Variants in ASTN1 observed in about 807,000 individuals in gnomAD.
ASTN1 encodes astrotactin 1, also known as astrotactin-1.
A neutral mutation model predicts 140.7 loss-of-function variants in ASTN1; 41 were observed. The observed-to-expected ratio is 0.29, with a 90% CI of 0.23 to 0.38. The LOEUF is 0.38. Ranked by LOEUF, ASTN1 falls within the 10% of genes least tolerant of loss-of-function variation. The pLI is 1.00. For missense variants in ASTN1, 1,479 were observed against 1,678.8 expected, an observed-to-expected ratio of 0.88 and a Z score of 2.08; for synonymous variants, 640 against 652.2, an observed-to-expected ratio of 0.98 and a Z score of 0.29.
chr1:176,902,800 G>A (rs1057099450), intron 16 of ASTN1, among the ~76,000 whole-genome samples: 3 of 152,296 alleles, frequency 2.0e-5, no homozygotes. Context: ...CAAACTTAGT[G>A]TAAAAAATAA....
intron 1 of ASTN1, among the ~76,000 whole-genome samples, chr1:177,082,829 A>G (rs1679245099): frequency 6.6e-6 from 1 of 152,206 alleles, no homozygotes; most frequent in Non-Finnish European, 1.5e-5. Context: ...ACTTGCTAGT[A>G]GATTTAAAAA....
intron 16 of ASTN1, among the ~76,000 whole-genome samples, chr1:176,899,241 C>T (rs753360521): frequency 2.9e-4 from 44 of 152,270 alleles, no homozygotes; most frequent in Non-Finnish European, 5.3e-4. Context: ...ATGAGAATAT[C>T]GCGTCCTTAA....
At chr1:176,904,928 G>C (rs192624804) in intron 16 of ASTN1, among the ~76,000 whole-genome samples, 2 of 152,120 alleles carry the variant, frequency 1.3e-5, no homozygotes, top group African/African-American at 4.8e-5. Context: ...TCTACCCTGC[G>C]GCATTTATTT....
intron 1 of ASTN1, among the ~76,000 whole-genome samples, chr1:177,139,853 A>T (rs72720729): frequency 0.012 from 1,776 of 152,208 alleles, 23 homozygotes; most frequent in Non-Finnish European, 0.02. Context: ...TATCCAAGGC[A>T]CTTTCACTGC....
chr1:177,087,510 G>A (rs1679533610), intron 1 of ASTN1, among the ~76,000 whole-genome samples: 1 of 152,092 alleles, frequency 6.6e-6, no homozygotes, highest in Admixed American at 6.6e-5. Context: ...ATTATTCAGA[G>A]GTGACCATGG....
intron 1 of ASTN1, among the ~76,000 whole-genome samples, chr1:177,089,181 T>C (rs916177754): frequency 2.6e-4 from 39 of 152,140 alleles, no homozygotes; most frequent in African/African-American, 8.4e-4. Flanking sequence ...ATCTCATCAA[T>C]GTGCAGGCAT....
chr1:177,159,275 C>T (rs1042885239), intron 1 of ASTN1, among the ~76,000 whole-genome samples: 1 of 152,058 alleles, frequency 6.6e-6, no homozygotes, highest in African/African-American at 2.4e-5. Flanking sequence ...TGAGCACATT[C>T]TGATAGCATG....
chr1:176,940,235 A>C (rs1275522158), intron 14 of ASTN1, among the ~76,000 whole-genome samples: 2 of 152,226 alleles, frequency 1.3e-5, no homozygotes. Context: ...CCAGCTCAGA[A>C]AACCAACCCA....
At chr1:176,985,645 G>A (rs924907370) in intron 8 of ASTN1, among the ~76,000 whole-genome samples, 5 of 151,934 alleles carry the variant, frequency 3.3e-5, no homozygotes, top group Non-Finnish European at 5.9e-5. Flanking sequence ...CAGATCCCTC[G>A]CTGCACCTCA....
At chr1:176,960,796 C>T (rs976898133) in intron 9 of ASTN1, among the ~76,000 whole-genome samples, 2 of 152,226 alleles carry the variant, frequency 1.3e-5, no homozygotes, top group East Asian at 3.9e-4. Flanking sequence ...CCTAATAGTC[C>T]TTCTTTCTGG....
chr1:177,058,287 G>T (rs1293340095), intron 2 of ASTN1, among the ~76,000 whole-genome samples: 1 of 152,120 alleles, frequency 6.6e-6, no homozygotes, highest in African/African-American at 2.4e-5. Flanking sequence ...ATGTTGGCCT[G>T]TCCACATACA....
Position 177,164,387 on chromosome 1 carries a change from G to T in ASTN1, c.283+7C>A. 1 of 1,581,102 alleles carries T rather than the reference G, an allele frequency of 6.3e-7. No individual in the cohort carries two copies. Among genetic ancestry groups the T allele is most frequent in the South Asian group, 1.2e-5 (1 of 86,726 alleles). ...CTCCGGCCGCCTCGACCTCCCCCGG[G>T]ACTCACCCAGCACGAAGTAGGGCAG... On this transcript the variant is annotated splice_region_variant and intron_variant, in intron 1 of 22. Transcript: ENST00000361833.
At chr1:176,868,736 C>T in intron 22 of ASTN1, 108 bp downstream of exon 22, 1 of 1,259,412 alleles carries the variant, frequency 7.9e-7, no homozygotes, top group Non-Finnish European at 1.1e-6. Flanking sequence ...CTCTGATTGC[C>T]TAAGCTCATC....
chr1:177,021,124 T>C (rs1373226774), intron 7 of ASTN1, among the ~76,000 whole-genome samples: 1 of 152,252 alleles, frequency 6.6e-6, no homozygotes, highest in Non-Finnish European at 1.5e-5. Context: ...ACATCACCAA[T>C]GCTTTCCAAT....
chr1:177,019,430 A>G (rs1223764780), intron 7 of ASTN1, among the ~76,000 whole-genome samples: 1 of 152,200 alleles, frequency 6.6e-6, no homozygotes, highest in African/African-American at 2.4e-5. Context: ...AATGAACCTA[A>G]TTTACATGCA....
intron 20 of ASTN1, among the ~76,000 whole-genome samples, 181 bp downstream of exon 20, chr1:176,882,678 T>C (rs1023967378): frequency 6.6e-5 from 10 of 152,130 alleles, no homozygotes; most frequent in African/African-American, 2.4e-4. Flanking sequence ...TCTTTCTAGA[T>C]CCCCCCATTC....
intron 1 of ASTN1, among the ~76,000 whole-genome samples, chr1:177,129,735 G>A (rs186447840): frequency 4.6e-5 from 7 of 152,258 alleles, no homozygotes; most frequent in Admixed American, 3.3e-4. Context: ...TTGGGAGGCC[G>A]AGGCGGGCAG....
intron 8 of ASTN1, among the ~76,000 whole-genome samples, chr1:176,995,984 G>A (rs572065390): frequency 2.4e-4 from 36 of 152,224 alleles, no homozygotes; most frequent in African/African-American, 8.2e-4. Flanking sequence ...ATTCAATGCT[G>A]TCCCCCAACT....
chr1:176,893,817 C>T (rs751714819), intron 17 of ASTN1, among the ~76,000 whole-genome samples: 1 of 152,170 alleles, frequency 6.6e-6, no homozygotes, highest in Admixed American at 6.5e-5. Flanking sequence ...TGTGTTTGGA[C>T]TCACTCTAAT....
Sources: gnomAD v4.1 joint callset for allele counts (sites outside exome capture counted in the v4.1 genomes callset) on GRCh38, gnomAD v4.1.1 for gene constraint, MANE v1.5 for transcripts, NCBI Gene and HGNC (gene_info 2026-07-23, HGNC 2026-07-21) for gene names.